Variants in ACBD3 observed in about 807,000 individuals in gnomAD.
The protein encoded by ACBD3 is Golgi resident protein GCP60.
Under a neutral mutation model 66.9 loss-of-function variants are expected in ACBD3, and 30 were observed. The observed-to-expected ratio is 0.45, with a 90% CI of 0.34 to 0.61. ACBD3 has a LOEUF of 0.61. Ranked by LOEUF, ACBD3 falls within the 20% of genes least tolerant of loss-of-function variation. ACBD3 has a pLI of 0.02. For missense variants in ACBD3, 544 were observed against 664.5 expected (o/e 0.82, Z 1.99); for synonymous variants, 278 against 259.8 (o/e 1.07, Z -0.68).
chr1:226,169,424 T>C (rs1659945195), intron 1 of ACBD3, among the ~76,000 whole-genome samples: 1 of 151,904 alleles, frequency 6.6e-6, no homozygotes, highest in East Asian at 1.9e-4. Flanking sequence ...ATTTTTTTTG[T>C]ATTTTTAGTA....
chr1:226,147,374 G>A (rs1244656239), intron 7 of ACBD3, among the ~76,000 whole-genome samples: 3 of 152,190 alleles, frequency 2.0e-5, no homozygotes. Flanking sequence ...TGAACATCTA[G>A]TGGTAGCAGT....
intron 1 of ACBD3, among the ~76,000 whole-genome samples, chr1:226,170,825 G>A (rs1659980364): frequency 6.6e-6 from 1 of 152,148 alleles, no homozygotes; most frequent in Admixed American, 6.5e-5. Context: ...TGTCACCCAG[G>A]CTGGAGGGCA....
At chr1:226,182,996 A>C (rs977111249) in intron 1 of ACBD3, among the ~76,000 whole-genome samples, 7 of 152,240 alleles carry the variant, frequency 4.6e-5, no homozygotes, top group Non-Finnish European at 1.5e-5. Context: ...CTGTCATAAA[A>C]AATTAAGAAT....
At chr1:226,171,762 T>C (rs1270547114) in intron 1 of ACBD3, among the ~76,000 whole-genome samples, 2 of 148,360 alleles carry the variant, frequency 1.3e-5, no homozygotes, top group Admixed American at 6.7e-5. Context: ...AGGCTGGTCC[T>C]GAACTCCTGA....
At position 226,186,381 on chromosome 1, in the gene ACBD3, C is replaced by G; in HGVS notation, c.286+9G>C. 4.6e-6 allele frequency: 7 copies of G among 1,513,296 alleles called. No individual in the cohort carries two copies. Among genetic ancestry groups the G allele is most frequent in the Non-Finnish European group, 6.2e-6 (7 of 1,130,638 alleles). The allele number at this position is 1,513,296 out of a possible 1,614,324, so 93.7% of individuals were successfully genotyped here. A position where few individuals can be genotyped will look rare whatever the true frequency, so the allele number is the denominator to read the frequency against. ...CAGAAGCGGCGGGGGTGGGGCTGGC[C>G]CGGCTCACCTTTGAAGAAGCGCAGT... On this transcript the variant is annotated intron_variant, in intron 1 of 7. Transcript: ENST00000366812.
At chr1:226,180,190 A>G (rs189788559) in intron 1 of ACBD3, among the ~76,000 whole-genome samples, 4,616 of 151,210 alleles carry the variant, frequency 0.031, 221 homozygotes, top group African/African-American at 0.11. Context: ...AAAAAAAAAA[A>G]GGATAATACA....
chr1:226,178,058 A>G (rs1388328955), intron 1 of ACBD3, among the ~76,000 whole-genome samples: 1 of 152,040 alleles, frequency 6.6e-6, no homozygotes, highest in East Asian at 1.9e-4. Context: ...AAGCCAATAA[A>G]TTTGTGGTAA....
chr1:226,176,027 T>C (rs964211548), intron 1 of ACBD3, among the ~76,000 whole-genome samples: 33 of 152,134 alleles, frequency 2.2e-4, no homozygotes, highest in Non-Finnish European at 3.7e-4. Flanking sequence ...GAACTACTCA[T>C]GTGGGCCCAA....
intron 1 of ACBD3, among the ~76,000 whole-genome samples, chr1:226,175,875 A>G (rs369856454): frequency 4.6e-5 from 7 of 152,208 alleles, no homozygotes; most frequent in African/African-American, 1.7e-4. Context: ...CTCATGCACA[A>G]TTTCAGTAAT....
chr1:226,171,384 G>T (rs990602729), intron 1 of ACBD3, among the ~76,000 whole-genome samples: 1 of 152,040 alleles, frequency 6.6e-6, no homozygotes, highest in South Asian at 2.1e-4. Flanking sequence ...CCTGATCTCA[G>T]GTGATCCACC....
At chr1:226,165,637 TA>T (rs1456508442) in intron 2 of ACBD3, among the ~76,000 whole-genome samples, 9 of 152,218 alleles carry the variant, frequency 5.9e-5, no homozygotes, top group African/African-American at 2.2e-4. Context: ...CTACTTGTCT[TA>T]TGTTCATAAG....
In ACBD3 at chr1:226,166,307, A is replaced by G. The variant is rs545037661; in HGVS notation, c.287-307T>C. 1.8e-3 allele frequency among the ~76,000 whole-genome samples: 280 copies of G among 151,426 alleles called. 3 individuals carry two copies. The highest frequency in any genetic ancestry group is 6.6e-3 in the African/African-American group (272 of 41,252). The stretch of plus-strand genomic sequence containing the variant: ...AGTAGCTGGACTACACGTGCGTGCC[A>G]CCAAACCTGTCTTTTGGCAGAGACA... On this transcript the variant is annotated intron_variant, in intron 1 of 7. Coordinates refer to ENST00000366812, the MANE Select transcript of ACBD3 (RefSeq NM_022735.4).
rs1659597440 is a variant in ACBD3, at chr1:226,152,543, C to T, written c.1167G>A (p.Gln389=). The T allele has an allele frequency of 6.2e-7, 1 of 1,614,082 alleles. No individual in the cohort carries two copies. Among genetic ancestry groups the T allele is most frequent in the South Asian group, 1.1e-5 (1 of 91,090 alleles). Residue 389 remains glutamine, a synonymous_variant, in exon 7 of 8, where the codon CAG becomes CAA. Coordinates refer to ENST00000366812, the MANE Select transcript of ACBD3 (RefSeq NM_022735.4). ...QIKDFKEKIQ[Q]DADSVITVGR... ...CCACTGTAATCACGGAATCTGCATC[C>T]TGCTGAATCTTCTCTTTGAAGTCTT... is the stretch of plus-strand genomic sequence containing the variant.
chr1:226,185,808 G>A (rs1204842945), intron 1 of ACBD3, among the ~76,000 whole-genome samples: 2 of 152,158 alleles, frequency 1.3e-5, no homozygotes, highest in Non-Finnish European at 1.5e-5. Context: ...CTCCTCAAGA[G>A]TTTGACAAGC....
At chr1:226,154,317 C>T (rs1051299782) in intron 6 of ACBD3, among the ~76,000 whole-genome samples, 19 of 151,986 alleles carry the variant, frequency 1.3e-4, no homozygotes, top group African/African-American at 4.6e-4. Context: ...AAGTGATCTT[C>T]CTGCCTCAGC....
intron 1 of ACBD3, among the ~76,000 whole-genome samples, chr1:226,175,166 A>G (rs1287650112): frequency 6.6e-6 from 1 of 152,098 alleles, no homozygotes; most frequent in Non-Finnish European, 1.5e-5. Flanking sequence ...AAAATTCCGG[A>G]AGGAAATTAT....
At chr1:226,172,927 G>A (rs916713868) in intron 1 of ACBD3, among the ~76,000 whole-genome samples, 1 of 152,184 alleles carries the variant, frequency 6.6e-6, no homozygotes, top group East Asian at 1.9e-4. Context: ...CCGAACTCCA[G>A]CCTGGGTGAC....
chr1:226,169,135 T>G (rs1313500061), intron 1 of ACBD3, among the ~76,000 whole-genome samples: 1 of 152,186 alleles, frequency 6.6e-6, no homozygotes, highest in Non-Finnish European at 1.5e-5. Context: ...AGTATTGAGA[T>G]TACAGGCGTG....
chr1:226,151,289 C>T (rs1265209536), intron 7 of ACBD3, among the ~76,000 whole-genome samples: 1 of 152,212 alleles, frequency 6.6e-6, no homozygotes, highest in Non-Finnish European at 1.5e-5. Context: ...AGACATGGTG[C>T]TTTTCCATTC....
Sources: allele counts gnomAD v4.1 joint callset (sites outside exome capture counted in the v4.1 genomes callset), GRCh38; gene constraint gnomAD v4.1.1; transcripts MANE v1.5; gene names NCBI Gene and HGNC (gene_info 2026-07-23, HGNC 2026-07-21).